Variants in RO60 observed in about 807,000 individuals in gnomAD.
RO60 encodes the protein RNA-binding protein RO60.
In RO60, 20 loss-of-function variants were observed where a neutral mutation model predicts 55.3. That is an observed-to-expected ratio of 0.36 (90% CI 0.25 to 0.53). The LOEUF (loss-of-function observed/expected upper bound fraction) is 0.53. Among genes scored for constraint, RO60 ranks in the 20% least tolerant of loss-of-function variants. RO60 has a pLI of 0.92. For missense variants in RO60, 558 were observed against 646.6 expected (o/e 0.86, Z 1.49); for synonymous variants, 213 against 213.6 (o/e 1.00, Z 0.02).
intron 2 of RO60, among the ~76,000 whole-genome samples, chr1:193,075,096 C>G (rs1052904639): frequency 6.6e-6 from 1 of 152,022 alleles, no homozygotes; most frequent in Non-Finnish European, 1.5e-5. Context: ...ATTTGCTTGT[C>G]CCTCATAGAC....
At chr1:193,079,170 C>A in intron 5 of RO60, among the ~76,000 whole-genome samples, 1 of 150,546 alleles carries the variant, frequency 6.6e-6, no homozygotes, top group Non-Finnish European at 1.5e-5. Context: ...TCACTGCAAC[C>A]TCCGCCTCCT....
intron 1 of RO60, among the ~76,000 whole-genome samples, chr1:193,066,050 CA>C (rs1049687378): frequency 1.1e-4 from 16 of 152,150 alleles, no homozygotes; most frequent in African/African-American, 2.7e-4. Flanking sequence ...CATCTCCTGT[CA>C]GGGGGGAATG....
At position 193,090,872 on chromosome 1, in the gene RO60, T is replaced by TA. The variant is rs1310630180; in HGVS notation, c.*6142dup. On this transcript the variant is annotated 3_prime_UTR_variant, in exon 9 of 9. Coordinates refer to ENST00000400968, the MANE Select transcript of RO60 (RefSeq NM_001173524.2). ...GAAATACAGAACTCAAAGGGTCTTT[T>TA]AGAGCTTTTAATTTTACATAGTGAA... 1 of 152,150 alleles carries TA rather than the reference T, an allele frequency of 6.6e-6. No individual in the cohort carries two copies. Among genetic ancestry groups the TA allele is most frequent in the Non-Finnish European group, 1.5e-5 (1 of 67,976 alleles). 9.4% of individuals were successfully genotyped at this position (152,150 alleles called of 1,614,324 possible). A position where few individuals can be genotyped will look rare whatever the true frequency, so the allele number is the denominator to read the frequency against.
At position 193,074,495 on chromosome 1, in the gene RO60, G is replaced by A. The variant is rs1394432995; in HGVS notation, c.581-1325G>A. Among the ~76,000 whole-genome samples the A allele has an allele frequency of 2.0e-5, 3 of 152,224 alleles. No individual in the cohort carries two copies. The East Asian group carries it at 5.8e-4, about 29-fold the overall frequency. On this transcript the variant is annotated intron_variant, in intron 2 of 8. Coordinates refer to ENST00000400968, the MANE Select transcript of RO60 (RefSeq NM_001173524.2). ...CATTTCTCTGATGGCCAGTGATGAT[G>A]AGCATGTTTTCATATGTCTTTTGGC... is the stretch of plus-strand genomic sequence containing the variant.
At chr1:193,067,735 G>A (rs1673213664) in intron 1 of RO60, among the ~76,000 whole-genome samples, 1 of 152,170 alleles carries the variant, frequency 6.6e-6, no homozygotes. Context: ...AGGATAAAGA[G>A]GGATGTTGTT....
rs1674569377 is a variant in RO60, at chr1:193,085,174, A to C, written c.*443A>C. On this transcript the variant is annotated 3_prime_UTR_variant, in exon 9 of 9. Transcript: ENST00000400968. ...AAATGCACTAGACCATATAACTGTG[A>C]TGAAATATGAAACTCATCTGTAAAC... is the stretch of plus-strand genomic sequence containing the variant. 8 of 1,232,572 alleles carry C rather than the reference A, an allele frequency of 6.5e-6. No individual in the cohort carries two copies. In the South Asian group the frequency reaches 2.5e-4, roughly 38 times the overall value. The allele number at this position is 1,232,572 out of a possible 1,614,324, so 76.4% of individuals were successfully genotyped here.
intron 2 of RO60, among the ~76,000 whole-genome samples, chr1:193,070,320 A>G (rs1558239406): frequency 6.6e-6 from 1 of 152,168 alleles, no homozygotes; most frequent in Non-Finnish European, 1.5e-5. Flanking sequence ...GAACTTAACA[A>G]TTCAGGAAGT....
intron 2 of RO60, among the ~76,000 whole-genome samples, chr1:193,074,112 A>G (rs1673720910): frequency 6.6e-6 from 1 of 152,152 alleles, no homozygotes; most frequent in African/African-American, 2.4e-5. Flanking sequence ...TATATGTGCC[A>G]CATTTTCTTA....
At chr1:193,060,332 A>G (rs1403934760) in intron 1 of RO60, 2 of 288,714 alleles carry the variant, frequency 6.9e-6, no homozygotes, top group African/African-American at 4.4e-5. Flanking sequence ...GAATGGTTCT[A>G]AAACTGGATG....
Position 193,076,908 on chromosome 1 carries a change from T to G in RO60, c.949-5T>G, listed in dbSNP as rs771761068. ...GCTAAAATTTTCCTTATACTTTGTT[T>G]CTAGGCTCGTATACATCCATTTCAT... On this transcript the variant is annotated splice_polypyrimidine_tract_variant and splice_region_variant and intron_variant, in intron 4 of 8. Coordinates refer to ENST00000400968, the MANE Select transcript of RO60 (RefSeq NM_001173524.2). 3 of 1,603,924 alleles carry G rather than the reference T, an allele frequency of 1.9e-6. No homozygotes were observed. Among genetic ancestry groups the G allele is most frequent in the Non-Finnish European group, 1.7e-6 (2 of 1,174,678 alleles).
At chr1:193,081,537 A>C (rs1407169628) in intron 6 of RO60, 57 bp downstream of exon 6, 6 of 896,368 alleles carry the variant, frequency 6.7e-6, no homozygotes, top group Non-Finnish European at 1.1e-5. Flanking sequence ...GTAGAGCAAA[A>C]CTATAAGATT....
In RO60 at chr1:193,076,442, T is replaced by C. The variant is rs188144676; in HGVS notation, c.802-59T>C. On this transcript the variant is annotated intron_variant, in intron 3 of 8. Transcript: ENST00000400968. ...TTATGAATATTTTTTTATATAGGTA[T>C]GTTATACTGATTTATTTTCCCTTAA... 1.7e-5 allele frequency: 27 copies of C among 1,550,874 alleles called. No individual in the cohort carries two copies. The Admixed American group carries it at 5.1e-4, about 29-fold the overall frequency.
intron 2 of RO60, among the ~76,000 whole-genome samples, chr1:193,074,152 C>T (rs1304464701): frequency 1.8e-4 from 27 of 152,132 alleles, no homozygotes; most frequent in African/African-American, 6.3e-4. Context: ...GACATTTGGG[C>T]TGGTTCCAAG....
rs752004555 is a variant in RO60 at position 193,082,657 on chromosome 1, G to C, written c.1413G>C (p.Glu471Asp). Reference sequence around the variant, plus strand: ...TCTTCATTGTATTCACTGATAATGAGACCTTTGCTGGAGGTGTCCATCCTG... The same window carrying C: ...TCTTCATTGTATTCACTGATAATGACACCTTTGCTGGAGGTGTCCATCCTG... ...ADVFIVFTDN[E>D]TFAGGVHPAI... The change falls in exon 8 of 9, where the codon GAG becomes GAC. Residue 471 changes from glutamate (E) to aspartate (D), a missense_variant. By Grantham distance (45) the Glu-to-Asp change is conservative. Transcript: ENST00000400968. The C allele has an allele frequency of 3.1e-6, 5 of 1,613,718 alleles. No homozygotes were observed. Among genetic ancestry groups the C allele is most frequent in the Non-Finnish European group, 4.2e-6 (5 of 1,179,876 alleles).
chr1:193,065,491 T>G (rs1673042382), intron 1 of RO60, among the ~76,000 whole-genome samples: 1 of 152,142 alleles, frequency 6.6e-6, no homozygotes, highest in Non-Finnish European at 1.5e-5. Context: ...GTAGACAGGT[T>G]GAAGTGCAAC....
At position 193,075,922 on chromosome 1, in the gene RO60, A is replaced by T. The variant is rs1174876796; in HGVS notation, c.683A>T (p.Tyr228Phe). Reference sequence around the variant, plus strand: ...GTGGAGACTGAAAAATTATTAAAGTATCTGGAGGCTGTAGAGAAAGTGAAG... The same window carrying T: ...GTGGAGACTGAAAAATTATTAAAGTTTCTGGAGGCTGTAGAGAAAGTGAAG... Reference protein sequence around the residue: ...LSVETEKLLKYLEAVEKVKRT... With the variant: ...LSVETEKLLKFLEAVEKVKRT... Residue 228 changes from tyrosine (Y) to phenylalanine (F), a missense_variant, in exon 3 of 9, where the codon TAT (tyrosine) becomes TTT (phenylalanine). Physicochemically the swap from Tyr to Phe is conservative, Grantham distance 22. Transcript: ENST00000400968. 2.5e-6 allele frequency: 4 copies of T among 1,613,272 alleles called. No homozygotes were observed. In the African/African-American group the frequency reaches 4.0e-5, roughly 16 times the overall value.
intron 2 of RO60, among the ~76,000 whole-genome samples, chr1:193,073,234 G>A (rs149588430): frequency 6.6e-5 from 10 of 152,242 alleles, no homozygotes; most frequent in African/African-American, 2.2e-4. Flanking sequence ...AGATGATTTT[G>A]CACCAAAATC....
Position 193,087,666 on chromosome 1 carries a change from C to G in RO60, c.*2935C>G, listed in dbSNP as rs533730946. ...ATCCTTAAAAAGTAACATATCTGTG[C>G]TTGGATCATAGAAGAATCAGTGATT... On this transcript the variant is annotated 3_prime_UTR_variant, in exon 9 of 9. Transcript: ENST00000400968. 10 of 151,578 alleles carry G rather than the reference C, an allele frequency of 6.6e-5. No individual in the cohort carries two copies. Among genetic ancestry groups the G allele is most frequent in the African/African-American group, 2.4e-4 (10 of 41,336 alleles). 9.4% of individuals were successfully genotyped at this position (151,578 alleles called of 1,614,324 possible).
chr1:193,091,566 A>C, downstream of RO60: 1 of 1,128,272 alleles, frequency 8.9e-7, no homozygotes, highest in South Asian at 1.3e-5. Context: ...CTAATAGAGA[A>C]TGAATGAATA....
Sources: gnomAD v4.1 joint callset for allele counts (sites outside exome capture counted in the v4.1 genomes callset) on GRCh38, gnomAD v4.1.1 for gene constraint, MANE v1.5 for transcripts, NCBI Gene and HGNC (gene_info 2026-07-23, HGNC 2026-07-21) for gene names.